TBC1D1: variants seen among roughly 807,000 people sequenced by gnomAD.
The protein encoded by TBC1D1 is TBC1 domain family member 1.
Under a neutral mutation model 125.6 loss-of-function variants are expected in TBC1D1, and 89 were observed. The ratio of observed to expected loss-of-function variants is 0.71; its 90% CI spans 0.60 to 0.85. The LOEUF is 0.85. TBC1D1 is among the 40% of genes least tolerant of loss of function. The pLI is 0.00. For missense variants in TBC1D1, 1,377 were observed against 1,469.2 expected (o/e 0.94, Z 1.03); for synonymous variants, 565 against 564.1 (o/e 1.00, Z -0.02).
chr4:37,926,118 A>G (rs1577889615), intron 2 of TBC1D1, among the ~76,000 whole-genome samples: 2 of 152,256 alleles, frequency 1.3e-5, no homozygotes, highest in African/African-American at 4.8e-5. Flanking sequence ...TGGAAGGAAC[A>G]TGTGTACTTT....
In TBC1D1 at chr4:37,901,162, G is replaced by C. The variant is rs554561771; in HGVS notation, c.-93-841G>C. Among the ~76,000 whole-genome samples the C allele has an allele frequency of 3.3e-5, 5 of 151,550 alleles. No homozygotes were observed. In the South Asian group the frequency reaches 1.0e-3, roughly 32 times the overall value. On this transcript the variant is annotated intron_variant, in intron 1 of 19. Coordinates refer to ENST00000261439, the MANE Select transcript of TBC1D1 (RefSeq NM_015173.4). ...TTGGTAGAAGCGTTTTCTGTTTTTTGTTTGTTTGTTTTCAGAAAGAGTCTC... is the reference window on the plus strand; with the variant it reads ...TTGGTAGAAGCGTTTTCTGTTTTTTCTTTGTTTGTTTTCAGAAAGAGTCTC...
intron 5 of TBC1D1, among the ~76,000 whole-genome samples, 187 bp from the exon 6 acceptor site, chr4:38,021,399 G>A (rs1348486560): frequency 4.6e-5 from 7 of 152,310 alleles, no homozygotes; most frequent in Admixed American, 3.9e-4. Flanking sequence ...AGAGCTTTGA[G>A]CATACTTGTA....
intron 6 of TBC1D1, among the ~76,000 whole-genome samples, chr4:38,024,664 A>T (rs1744720219): frequency 1.3e-5 from 2 of 152,214 alleles, no homozygotes; most frequent in South Asian, 4.1e-4. Context: ...TTGTTAGTAG[A>T]AGAAGTGCTA....
chr4:37,951,128 T>G (rs114506676), intron 2 of TBC1D1, among the ~76,000 whole-genome samples: 1 of 152,214 alleles, frequency 6.6e-6, no homozygotes, highest in Admixed American at 6.5e-5. Context: ...AATGTACTTT[T>G]CCCCAGTTTG....
chr4:38,082,992 C>A (rs1416459654), intron 12 of TBC1D1, among the ~76,000 whole-genome samples: 1 of 152,208 alleles, frequency 6.6e-6, no homozygotes, highest in Non-Finnish European at 1.5e-5. Flanking sequence ...ATCTTGGCTT[C>A]TGTTTTTAAG....
At chr4:38,008,392 T>G (rs1285001663) in intron 2 of TBC1D1, among the ~76,000 whole-genome samples, 2 of 152,228 alleles carry the variant, frequency 1.3e-5, no homozygotes, top group Non-Finnish European at 2.9e-5. Flanking sequence ...AGTGAATCTT[T>G]TAAACAATTA....
intron 2 of TBC1D1, among the ~76,000 whole-genome samples, chr4:37,927,345 A>G (rs1004109060): frequency 3.9e-5 from 6 of 152,104 alleles, no homozygotes; most frequent in African/African-American, 1.4e-4. Flanking sequence ...TTGATTTTAC[A>G]ATTCTATTTT....
chr4:37,997,975 G>A (rs926358288), intron 2 of TBC1D1, among the ~76,000 whole-genome samples: 3 of 152,052 alleles, frequency 2.0e-5, no homozygotes, highest in East Asian at 1.9e-4. Context: ...ATCTGTATTC[G>A]GATTTCTGGA....
chr4:38,118,299 C>G (rs1188703857), intron 17 of TBC1D1, 107 bp downstream of exon 19: 11 of 1,323,690 alleles, frequency 8.3e-6, no homozygotes, highest in Admixed American at 2.0e-5. Flanking sequence ...TAGCTCTTAC[C>G]AGAACAGGGT....
chr4:38,056,319 C>T (rs1462772833), intron 12 of TBC1D1, among the ~76,000 whole-genome samples: 1 of 152,212 alleles, frequency 6.6e-6, no homozygotes, highest in Non-Finnish European at 1.5e-5. Context: ...CTCTGCCCCT[C>T]CTGGAGTCCT....
chr4:38,012,878 C>T (rs1741807984), intron 2 of TBC1D1, among the ~76,000 whole-genome samples: 1 of 152,092 alleles, frequency 6.6e-6, no homozygotes, highest in Admixed American at 6.5e-5. Flanking sequence ...ACTGCAACCT[C>T]CGCCTCCCAG....
intron 8 of TBC1D1, among the ~76,000 whole-genome samples, chr4:38,037,345 C>A (rs1282338979): frequency 6.6e-6 from 1 of 151,476 alleles, no homozygotes; most frequent in East Asian, 1.9e-4. Context: ...GCAGAACTGG[C>A]ATCTGTGTAA....
At chr4:37,941,641 G>T (rs1466276835) in intron 2 of TBC1D1, among the ~76,000 whole-genome samples, 1 of 152,162 alleles carries the variant, frequency 6.6e-6, no homozygotes, top group Non-Finnish European at 1.5e-5. Flanking sequence ...GATCTTTCCT[G>T]CTTTCTCTTG....
At chr4:38,117,945 C>T (rs1259213751) in intron 16 of TBC1D1, 88 bp from the exon 19 acceptor site, 5 of 1,226,864 alleles carry the variant, frequency 4.1e-6, no homozygotes, top group Non-Finnish European at 4.7e-6. Flanking sequence ...AGTAAGTCTT[C>T]TCTTACACCC....
intron 12 of TBC1D1, among the ~76,000 whole-genome samples, chr4:38,070,440 T>C (rs550694298): frequency 6.6e-6 from 1 of 152,288 alleles, no homozygotes; most frequent in South Asian, 2.1e-4. Context: ...GACCCGGCCA[T>C]GGGGAGGCCT....
chr4:37,960,876 AT>A lies in TBC1D1; in HGVS notation c.418-53632del, dbSNP rs1560535118. ...CCCCTTGAGTGGAGTGCCTCTCATG[AT>A]CCTTGATGAGGAGGGAGAGCTTGAA... is the stretch of plus-strand genomic sequence containing the variant. On this transcript the variant is annotated intron_variant, in intron 2 of 19. Coordinates refer to ENST00000261439, the MANE Select transcript of TBC1D1 (RefSeq NM_015173.4). 1.9e-6 allele frequency: 3 copies of A among 1,614,066 alleles called. No individual in the cohort carries two copies. The South Asian group carries it at 3.3e-5, about 18-fold the overall frequency.
chr4:37,977,853 C>T lies in TBC1D1; in HGVS notation c.418-36656C>T, dbSNP rs564833186. On this transcript the variant is annotated intron_variant, in intron 2 of 19. Transcript: ENST00000261439. This position sits in a 1 kb window ranked among gnomAD's most constrained non-coding sequence, Gnocchi z 4.3. Reference sequence around the variant, plus strand: ...CTCCCCGCGCCGCGGAGCTGCCGCTCGGTGCCTCCCCGGCGCGGGACCTCG... The same window carrying T: ...CTCCCCGCGCCGCGGAGCTGCCGCTTGGTGCCTCCCCGGCGCGGGACCTCG... Among the ~76,000 whole-genome samples, 1 of 152,178 alleles carries T rather than the reference C, an allele frequency of 6.6e-6. No homozygotes were observed. The highest frequency in any genetic ancestry group is 1.5e-5 in the Non-Finnish European group (1 of 67,984).
At chr4:38,094,475 A>C (rs746549933) in intron 13 of TBC1D1, among the ~76,000 whole-genome samples, 6 of 152,138 alleles carry the variant, frequency 3.9e-5, no homozygotes, top group Admixed American at 1.3e-4. Flanking sequence ...CTGTATCTGA[A>C]GTTCTTGCCC....
intron 12 of TBC1D1, among the ~76,000 whole-genome samples, chr4:38,081,892 A>T (rs566430583): frequency 2.0e-5 from 3 of 152,160 alleles, no homozygotes; most frequent in Non-Finnish European, 4.4e-5. Flanking sequence ...ACCCCAAGGC[A>T]TTAGGATGAG....
Sources: gnomAD v4.1 joint callset for allele counts (sites outside exome capture counted in the v4.1 genomes callset) on GRCh38, gnomAD v4.1.1 for gene constraint, Gnocchi (gnomAD v3.1) non-coding constraint, MANE v1.5 for transcripts, NCBI Gene and HGNC (gene_info 2026-07-23, HGNC 2026-07-21) for gene names.